Variants in PPP2R5B observed in about 807,000 individuals in gnomAD.
PPP2R5B encodes protein phosphatase 2 regulatory subunit B'beta, also known as serine/threonine-protein phosphatase 2A 56 kDa regulatory subunit beta isoform.
A neutral mutation model predicts 59.9 loss-of-function variants in PPP2R5B; 19 were observed. The ratio of observed to expected loss-of-function variants is 0.32; its 90% CI spans 0.22 to 0.47. PPP2R5B has a LOEUF of 0.47. PPP2R5B is among the 20% of genes least tolerant of loss of function. The pLI is 1.00. For synonymous variants in PPP2R5B, 286 were observed against 260.5 expected (o/e 1.10, Z -0.94); for missense variants, 441 against 640.2 (o/e 0.69, Z 3.36).
At chr11:64,921,454 T>C (rs1945109623), upstream of PPP2R5B, among the ~76,000 whole-genome samples, 1 of 152,164 alleles carries the variant, frequency 6.6e-6, no homozygotes, top group Non-Finnish European at 1.5e-5. Context: ...TGAAAACTCA[T>C]CAGGCAAACT....
intron 6 of PPP2R5B, 30 bp downstream of exon 6, chr11:64,928,455 C>T (rs761527939): frequency 2.5e-6 from 4 of 1,613,782 alleles, no homozygotes; most frequent in Non-Finnish European, 2.5e-6. Context: ...CCAGCAGAGA[C>T]CTGGGGAGGG....
upstream of PPP2R5B, chr11:64,924,223 G>A (rs1000147650): frequency 6.6e-6 from 1 of 152,290 alleles, no homozygotes; most frequent in Non-Finnish European, 1.5e-5. Context: ...AGCAAGCACT[G>A]ACTCATCGCA....
At position 64,933,909 on chromosome 11, in the gene PPP2R5B, C is replaced by CA; in HGVS notation, c.*66dup. The CA allele has an allele frequency of 3.5e-6, 5 of 1,427,776 alleles. No individual in the cohort carries two copies. The highest frequency in any genetic ancestry group is 4.6e-6 in the Non-Finnish European group (5 of 1,084,746). The allele number at this position is 1,427,776 out of a possible 1,614,324, so 88.4% of individuals were successfully genotyped here. A position where few individuals can be genotyped will look rare whatever the true frequency, so the allele number is the denominator to read the frequency against. On this transcript the variant is annotated 3_prime_UTR_variant, in exon 14 of 14. Transcript: ENST00000164133. Reference sequence around the variant, plus strand: ...CAGTCCCTCTATCCCTTCTCCTGTCCAGGGGCCCAGAGAGAAACACACCTA... The same window carrying CA: ...CAGTCCCTCTATCCCTTCTCCTGTCCAAGGGGCCCAGAGAGAAACACACCTA...
intron 6 of PPP2R5B, among the ~76,000 whole-genome samples, chr11:64,928,737 A>G (rs1414849021): frequency 6.6e-6 from 1 of 152,216 alleles, no homozygotes; most frequent in African/African-American, 2.4e-5. Context: ...ACAAAAAATT[A>G]GCCGGGCGCG....
chr11:64,931,147 C>T lies in PPP2R5B; in HGVS notation c.892-289C>T, dbSNP rs191338583. Among the ~76,000 whole-genome samples the T allele has an allele frequency of 1.3e-5, 2 of 152,202 alleles. No individual in the cohort carries two copies. The highest frequency in any genetic ancestry group is 4.8e-5 in the African/African-American group (2 of 41,516). Reference sequence around the variant, plus strand: ...TCTGCTGCCTCGGCCTCCCAAAGTGCTTGGATTACAGGCGTGAGCCACCAC... The same window carrying T: ...TCTGCTGCCTCGGCCTCCCAAAGTGTTTGGATTACAGGCGTGAGCCACCAC... On this transcript the variant is annotated intron_variant, in intron 8 of 13. Transcript: ENST00000164133. This position sits in a 1 kb window ranked among gnomAD's most constrained non-coding sequence, Gnocchi z 5.0.
rs377373319 is a variant in PPP2R5B at position 64,931,533 on chromosome 11, C to A, written c.946-26C>A. On this transcript the variant is annotated intron_variant, in intron 9 of 13. Coordinates refer to ENST00000164133, the MANE Select transcript of PPP2R5B (RefSeq NM_006244.4). The surrounding 1 kb of genome is among the most constrained non-coding windows in gnomAD (Gnocchi z 5.0). ...TAAGGCAGCCTCTCACCTCTGCAGG[C>A]GTGACTCCTGTCTCATCTCCCACAG... 6.2e-7 allele frequency: 1 copy of A among 1,614,072 alleles called. No individual in the cohort carries two copies.
intron 3 of PPP2R5B, 103 bp from the exon 4 acceptor site, chr11:64,927,699 C>G: frequency 1.1e-6 from 1 of 927,834 alleles, no homozygotes; most frequent in East Asian, 2.4e-5. Flanking sequence ...AGAGCGAGAC[C>G]CTGTCTTGGG....
Position 64,931,414 on chromosome 11 carries a change from C to T in PPP2R5B, c.892-22C>T. On this transcript the variant is annotated intron_variant, in intron 8 of 13. Transcript: ENST00000164133. This position sits in a 1 kb window ranked among gnomAD's most constrained non-coding sequence, Gnocchi z 5.0. ...TGCCTTCCTGACCTGTCTTCCTTCC[C>T]TCCACCTGTCACCCCCTGCAGCTGG... 2 of 1,613,698 alleles carry T rather than the reference C, an allele frequency of 1.2e-6. No homozygotes were observed.
chr11:64,931,725 T>C lies in PPP2R5B; in HGVS notation c.997-24T>C. On this transcript the variant is annotated intron_variant, in intron 10 of 13. Coordinates refer to ENST00000164133, the MANE Select transcript of PPP2R5B (RefSeq NM_006244.4). The surrounding 1 kb of genome is among the most constrained non-coding windows in gnomAD (Gnocchi z 5.0). ...ATGTGAGCTGCTGCCCCTCTGTCCC[T>C]ACTCCCCTCCCCAACCCACCCAGGT... The C allele has an allele frequency of 6.2e-7, 1 of 1,614,044 alleles. No individual in the cohort carries two copies. The highest frequency in any genetic ancestry group is 8.5e-7 in the Non-Finnish European group (1 of 1,179,942).
rs200592076 is a variant in PPP2R5B, at chr11:64,925,731, C to T, written c.-4C>T. 5.8e-5 allele frequency: 92 copies of T among 1,584,770 alleles called. No individual in the cohort carries two copies. The highest frequency in any genetic ancestry group is 1.7e-4 in the Middle Eastern group (1 of 5,820). On this transcript the variant is annotated 5_prime_UTR_variant, in exon 2 of 14. Coordinates refer to ENST00000164133, the MANE Select transcript of PPP2R5B (RefSeq NM_006244.4). This position sits in a 1 kb window ranked among gnomAD's most constrained non-coding sequence, Gnocchi z 4.6. ...CTGAAAGCTTGCCCTGCCGCCTGAC[C>T]GCCATGGAGACGAAGCTGCCCCCTG... is the stretch of plus-strand genomic sequence containing the variant.
chr11:64,928,709 C>A (rs1202566499), intron 6 of PPP2R5B, among the ~76,000 whole-genome samples: 2 of 152,182 alleles, frequency 1.3e-5, no homozygotes, highest in East Asian at 1.9e-4. Context: ...CAGGTGAAAC[C>A]CCGTCTCTAC....
At chr11:64,922,259 G>A (rs944163116), upstream of PPP2R5B, among the ~76,000 whole-genome samples, 1 of 152,052 alleles carries the variant, frequency 6.6e-6, no homozygotes, top group African/African-American at 2.4e-5. Context: ...TGAGGCGAAT[G>A]GATCGCTTGA....
At chr11:64,933,069 T>C in intron 12 of PPP2R5B, 76 bp from the exon 13 acceptor site, 1 of 1,499,788 alleles carries the variant, frequency 6.7e-7, no homozygotes, top group African/African-American at 1.4e-5. Flanking sequence ...GAATGCTGTA[T>C]GTGAAGGGCA....
rs747925358 is a variant in PPP2R5B at position 64,931,426 on chromosome 11, C to T, written c.892-10C>T. On this transcript the variant is annotated splice_polypyrimidine_tract_variant and intron_variant, in intron 8 of 13. Transcript: ENST00000164133. The surrounding 1 kb of genome is among the most constrained non-coding windows in gnomAD (Gnocchi z 5.0). ...CTGTCTTCCTTCCCTCCACCTGTCA[C>T]CCCCTGCAGCTGGCATACTGTGTGG... 3 of 1,613,848 alleles carry T rather than the reference C, an allele frequency of 1.9e-6. No homozygotes were observed. The highest frequency in any genetic ancestry group is 2.7e-5 in the African/African-American group (2 of 74,930).
rs1945142529 is a variant in PPP2R5B at position 64,924,855 on chromosome 11, C to T, written c.-438C>T. On this transcript the variant is annotated 5_prime_UTR_variant, in exon 1 of 14. Transcript: ENST00000164133. ...CCGAGCGCCCAGTCCCGGCCCGGGGCTGAGTTGGGGGCATGCTCTAGCCGC... is the reference window on the plus strand; with the variant it reads ...CCGAGCGCCCAGTCCCGGCCCGGGGTTGAGTTGGGGGCATGCTCTAGCCGC... 1 of 152,326 alleles carries T rather than the reference C, an allele frequency of 6.6e-6. No individual in the cohort carries two copies. The highest frequency in any genetic ancestry group is 1.5e-5 in the Non-Finnish European group (1 of 68,142). The allele number at this position is 152,326 out of a possible 1,614,324, so 9.4% of individuals were successfully genotyped here. A position where few individuals can be genotyped will look rare whatever the true frequency, so the allele number is the denominator to read the frequency against.
chr11:64,926,610 G>A (rs1339315691), intron 2 of PPP2R5B, 102 bp from the exon 3 acceptor site: 1 of 1,291,878 alleles, frequency 7.7e-7, no homozygotes, highest in Admixed American at 2.0e-5. Context: ...GGGGCCTGGG[G>A]GCAGCAGAGG....
chr11:64,921,523 AC>A (rs1945110187), upstream of PPP2R5B, among the ~76,000 whole-genome samples: 1 of 152,150 alleles, frequency 6.6e-6, no homozygotes, highest in Non-Finnish European at 1.5e-5. Context: ...GGGATGGCCC[AC>A]CCTCTGGGGT....
At chr11:64,927,021 C>T (rs1403127810) in intron 3 of PPP2R5B, 113 bp downstream of exon 3, 1 of 1,285,686 alleles carries the variant, frequency 7.8e-7, no homozygotes, top group East Asian at 2.6e-5. Flanking sequence ...GGCTTGGCCT[C>T]AGTCCACGTC....
Position 64,933,772 on chromosome 11 carries a change from G to T in PPP2R5B, c.1422G>T (p.Gly474=). The change falls in exon 14 of 14, where the codon GGG becomes GGT. Residue 474 remains glycine (G), a synonymous_variant. Coordinates refer to ENST00000164133, the MANE Select transcript of PPP2R5B (RefSeq NM_006244.4). The part of the protein sequence containing the change: ...LEELRLRRLQ[G]TQGAKEAPLQ... ...AGCTGCGGCTACGCCGGCTACAGGG[G>T]ACCCAGGGGGCCAAGGAGGCCCCCC... is the stretch of plus-strand genomic sequence containing the variant. The T allele has an allele frequency of 6.4e-7, 1 of 1,554,972 alleles. No homozygotes were observed. The highest frequency in any genetic ancestry group is 1.4e-5 in the African/African-American group (1 of 73,374).
Sources: allele counts gnomAD v4.1 joint callset (sites outside exome capture counted in the v4.1 genomes callset), GRCh38; gene constraint gnomAD v4.1.1; non-coding constraint Gnocchi (gnomAD v3.1); transcripts MANE v1.5; gene names NCBI Gene and HGNC (gene_info 2026-07-23, HGNC 2026-07-21).